PLD1: variants seen among roughly 807,000 people sequenced by gnomAD.
PLD1 encodes the protein phospholipase D1.
A neutral mutation model predicts 137.1 loss-of-function variants in PLD1; 112 were observed. The observed-to-expected ratio is 0.82, with a 90% CI of 0.70 to 0.96. The LOEUF is 0.96. Ranked by LOEUF, PLD1 falls within the 40% of genes least tolerant of loss-of-function variation. The pLI, the probability that PLD1 is intolerant of heterozygous loss-of-function variation, is 0.00. For synonymous variants in PLD1, 431 were observed against 454.7 expected, an observed-to-expected ratio of 0.95 and a Z score of 0.66; for missense variants, 1,321 against 1,342.0, an observed-to-expected ratio of 0.98 and a Z score of 0.24.
At chr3:171,653,005 G>A (rs1460608918) in intron 21 of PLD1, among the ~76,000 whole-genome samples, 2 of 152,028 alleles carry the variant, frequency 1.3e-5, no homozygotes, top group Non-Finnish European at 2.9e-5. Context: ...TTGAAATGGG[G>A]GAAGCTTTGT....
At chr3:171,641,118 G>A (rs779982442) in intron 23 of PLD1, among the ~76,000 whole-genome samples, 3 of 152,140 alleles carry the variant, frequency 2.0e-5, no homozygotes, top group African/African-American at 4.8e-5. Flanking sequence ...TCCAATGGCT[G>A]CTAGGCTGCT....
chr3:171,626,606 G>C (rs1219261525), intron 23 of PLD1, among the ~76,000 whole-genome samples: 1 of 152,056 alleles, frequency 6.6e-6, no homozygotes, highest in African/African-American at 2.4e-5. Context: ...CAGAGAGAAA[G>C]GTCGGGTTAC....
intron 1 of PLD1, among the ~76,000 whole-genome samples, chr3:171,744,730 C>G (rs912799178): frequency 2.0e-5 from 3 of 152,186 alleles, no homozygotes; most frequent in Non-Finnish European, 2.9e-5. Context: ...GGTTACATAG[C>G]TCTTAAAATT....
chr3:171,714,477 T>C (rs1717524185), intron 8 of PLD1, among the ~76,000 whole-genome samples: 1 of 152,208 alleles, frequency 6.6e-6, no homozygotes, highest in Middle Eastern at 3.2e-3. Context: ...ATAGACTGAA[T>C]CATTTGAAAA....
At chr3:171,710,944 G>A (rs1204438978) in intron 9 of PLD1, among the ~76,000 whole-genome samples, 1 of 144,556 alleles carries the variant, frequency 6.9e-6, no homozygotes, top group East Asian at 2.0e-4. Context: ...CGCTATCTTG[G>A]CTCACTGCAA....
chr3:171,711,451 G>A (rs912464624), intron 9 of PLD1, among the ~76,000 whole-genome samples: 1 of 152,148 alleles, frequency 6.6e-6, no homozygotes, highest in East Asian at 1.9e-4. Flanking sequence ...TTATAGGCGT[G>A]AGCCACCGCA....
At chr3:171,730,420 G>GA (rs576994873) in intron 6 of PLD1, among the ~76,000 whole-genome samples, 2,749 of 132,224 alleles carry the variant, frequency 0.021, 82 homozygotes, top group African/African-American at 0.069. Flanking sequence ...CCACAAGAAG[G>GA]AAAAAAAAAA....
At chr3:171,626,665 T>A (rs1271757247) in intron 23 of PLD1, among the ~76,000 whole-genome samples, 1 of 151,652 alleles carries the variant, frequency 6.6e-6, no homozygotes, top group Admixed American at 6.6e-5. Flanking sequence ...CAGCAGAAAC[T>A]CTACAAGCCA....
intron 8 of PLD1, among the ~76,000 whole-genome samples, chr3:171,720,176 C>A (rs1258666347): frequency 6.6e-6 from 1 of 151,004 alleles, no homozygotes; most frequent in Non-Finnish European, 1.5e-5. Context: ...GCACCTGTAT[C>A]CCTGCTATCT....
At chr3:171,670,026 A>G (rs1047309423) in intron 19 of PLD1, among the ~76,000 whole-genome samples, 13 of 152,248 alleles carry the variant, frequency 8.5e-5, no homozygotes, top group Admixed American at 7.2e-4. Context: ...ACAGTCAACT[A>G]TGTTAAAATC....
rs569964973 is a variant in PLD1 at position 171,651,733 on chromosome 3, CTT to C, written c.2430-6712_2430-6711del. Among the ~76,000 whole-genome samples, 334 of 152,262 alleles carry C rather than the reference CTT, an allele frequency of 2.2e-3. 1 individual carries two copies. Among genetic ancestry groups the C allele is most frequent in the African/African-American group, 7.7e-3 (320 of 41,550 alleles). On this transcript the variant is annotated intron_variant, in intron 21 of 26. Transcript: ENST00000351298. ...TAGACTTCACCCTGGGCTTGATAGT[CTT>C]TGGCAAGCCTAGCCCTGAGTGGCCC...
chr3:171,691,375 T>C (rs2108518756), intron 13 of PLD1, among the ~76,000 whole-genome samples: 1 of 152,324 alleles, frequency 6.6e-6, no homozygotes, highest in South Asian at 2.1e-4. Context: ...CTTATAGCTT[T>C]TTTGTCTCTC....
At position 171,780,695 on chromosome 3, in the gene PLD1, G is replaced by A. The variant is rs1722764478; in HGVS notation, c.-32+29704C>T. Reference sequence around the variant, plus strand: ...AGAGGAAGATTGAGAACTGACCACTGGATACAGAAACATGGAGGTCACTGA... The same window carrying A: ...AGAGGAAGATTGAGAACTGACCACTAGATACAGAAACATGGAGGTCACTGA... On this transcript the variant is annotated intron_variant, in intron 1 of 26. Coordinates refer to ENST00000351298, the MANE Select transcript of PLD1 (RefSeq NM_002662.5). Among the ~76,000 whole-genome samples, 4 of 152,254 alleles carry A rather than the reference G, an allele frequency of 2.6e-5. No homozygotes were observed. The South Asian group carries it at 8.3e-4, about 32-fold the overall frequency.
intron 1 of PLD1, chr3:171,792,619 G>T (rs1165989832): frequency 2.2e-6 from 1 of 456,604 alleles, no homozygotes; most frequent in Non-Finnish European, 4.4e-6. Context: ...GCAAGTAGCT[G>T]CAGGAAGAAG....
Position 171,612,469 on chromosome 3 carries a change from G to C in PLD1, c.2729-37C>G. ...AACAGTGAGGCTGAACAACCTTCCTGTTGTGGCAGACACTGTTGGTTGCCC... is the reference window on the plus strand; with the variant it reads ...AACAGTGAGGCTGAACAACCTTCCTCTTGTGGCAGACACTGTTGGTTGCCC... On this transcript the variant is annotated intron_variant, in intron 24 of 26. Coordinates refer to ENST00000351298, the MANE Select transcript of PLD1 (RefSeq NM_002662.5). This position sits in a 1 kb window ranked among gnomAD's most constrained non-coding sequence, Gnocchi z 4.1. 6.2e-7 allele frequency: 1 copy of C among 1,602,994 alleles called. No individual in the cohort carries two copies. The highest frequency in any genetic ancestry group is 8.5e-7 in the Non-Finnish European group (1 of 1,170,482).
rs148132427 is a variant in PLD1 at position 171,798,511 on chromosome 3, T to A, written c.-32+11888A>T. On this transcript the variant is annotated intron_variant, in intron 1 of 26. Coordinates refer to ENST00000351298, the MANE Select transcript of PLD1 (RefSeq NM_002662.5). ...ATTGAGAAATAAATTCTAGGTGAAA[T>A]CAGGTGACAGTGTCAATAATGGTCA... Among the ~76,000 whole-genome samples the A allele has an allele frequency of 2.7e-3, 415 of 152,232 alleles. 2 individuals are homozygous for A. The highest frequency in any genetic ancestry group is 8.4e-3 in the Admixed American group (128 of 15,286).
chr3:171,759,473 C>T (rs1721250192), intron 1 of PLD1, among the ~76,000 whole-genome samples: 1 of 151,952 alleles, frequency 6.6e-6, no homozygotes, highest in Non-Finnish European at 1.5e-5. Flanking sequence ...AATTTAATTC[C>T]AGAATACATT....
At chr3:171,677,760 C>T (rs1050736573) in intron 16 of PLD1, 66 bp from the exon 17 acceptor site, 3 of 1,502,618 alleles carry the variant, frequency 2.0e-6, no homozygotes, top group Admixed American at 2.0e-5. Context: ...GGAGGCTCAA[C>T]TCTCATTTAT....
intron 1 of PLD1, among the ~76,000 whole-genome samples, chr3:171,787,161 C>T (rs1407194953): frequency 6.6e-6 from 1 of 152,128 alleles, no homozygotes; most frequent in Non-Finnish European, 1.5e-5. Context: ...CAATCAATGC[C>T]CATTCTGCTT....
Sources: allele counts gnomAD v4.1 joint callset (sites outside exome capture counted in the v4.1 genomes callset), GRCh38; gene constraint gnomAD v4.1.1; non-coding constraint Gnocchi (gnomAD v3.1); transcripts MANE v1.5; gene names NCBI Gene and HGNC (gene_info 2026-07-23, HGNC 2026-07-21).